ASCC3: variants seen among roughly 807,000 people sequenced by gnomAD.
ASCC3 encodes ASC-1 complex subunit P200.
Under a neutral mutation model 256.3 loss-of-function variants are expected in ASCC3, and 158 were observed. The ratio of observed to expected loss-of-function variants is 0.62; its 90% CI spans 0.54 to 0.70. ASCC3 has a LOEUF of 0.70. Ranked by LOEUF, ASCC3 falls within the 30% of genes least tolerant of loss-of-function variation. ASCC3 has a pLI of 0.00. For missense variants in ASCC3, 2,259 were observed against 2,626.0 expected (o/e 0.86, Z 3.05); for synonymous variants, 948 against 883.4 (o/e 1.07, Z -1.30).
At chr6:100,862,153 G>A (rs1773255022) in intron 3 of ASCC3, among the ~76,000 whole-genome samples, 1 of 152,136 alleles carries the variant, frequency 6.6e-6, no homozygotes, top group African/African-American at 2.4e-5. Context: ...GTGGAAGACT[G>A]TATTTTCGCC....
chr6:100,826,293 G>C (rs1007365233), intron 4 of ASCC3, among the ~76,000 whole-genome samples: 4 of 151,792 alleles, frequency 2.6e-5, no homozygotes, highest in Non-Finnish European at 4.4e-5. Flanking sequence ...CACCACGCCC[G>C]GCTAATTTTT....
At position 100,701,602 on chromosome 6, in the gene ASCC3, GAGCAAAACCAGAGAC is replaced by G. The variant is rs530869466; in HGVS notation, c.2151+13845_2151+13859del. 3.9e-4 allele frequency among the ~76,000 whole-genome samples: 59 copies of G among 152,260 alleles called. 2 individuals are homozygous for G. The highest frequency in any genetic ancestry group is 1.4e-3 in the African/African-American group (58 of 41,544). ...AAGCAACGCATGTCAGTACAATGGT[GAGCAAAACCAGAGAC>G]AGCCCTTGTTGTAATAGGAATTATG... On this transcript the variant is annotated intron_variant, in intron 13 of 41. Coordinates refer to ENST00000369162, the MANE Select transcript of ASCC3 (RefSeq NM_006828.4).
chr6:100,643,452 C>G (rs1434708354), intron 23 of ASCC3, among the ~76,000 whole-genome samples: 3 of 152,120 alleles, frequency 2.0e-5, no homozygotes, highest in Non-Finnish European at 4.4e-5. Flanking sequence ...GAACCCAGGT[C>G]TTAAACCATG....
chr6:100,593,933 A>ATG (rs543567807), intron 34 of ASCC3, among the ~76,000 whole-genome samples: 3 of 152,094 alleles, frequency 2.0e-5, no homozygotes, highest in African/African-American at 7.2e-5. Flanking sequence ...GCACAAGTTA[A>ATG]TGTGTGTGTG....
intron 37 of ASCC3, among the ~76,000 whole-genome samples, chr6:100,519,466 C>T (rs151310957): frequency 6.6e-6 from 1 of 152,138 alleles, no homozygotes; most frequent in African/African-American, 2.4e-5. Context: ...TTTCTCTGTA[C>T]AGCAGGATAA....
At chr6:100,616,839 C>T (rs1773687467) in intron 30 of ASCC3, among the ~76,000 whole-genome samples, 1 of 152,082 alleles carries the variant, frequency 6.6e-6, no homozygotes, top group African/African-American at 2.4e-5. Context: ...AAGGGGCCGC[C>T]CTGCTGTTAA....
intron 8 of ASCC3, among the ~76,000 whole-genome samples, chr6:100,782,416 C>T (rs2114263060): frequency 6.6e-6 from 1 of 152,230 alleles, no homozygotes; most frequent in South Asian, 2.1e-4. Flanking sequence ...TCCAATGCCA[C>T]AAATAAATAC....
chr6:100,697,342 CAAA>C (rs1220380989), intron 13 of ASCC3, among the ~76,000 whole-genome samples: 1 of 151,488 alleles, frequency 6.6e-6, no homozygotes, highest in Non-Finnish European at 1.5e-5. Flanking sequence ...AAAGGGGAAT[CAAA>C]GAAGATTTAA....
chr6:100,737,401 C>T (rs1003327104), intron 10 of ASCC3, among the ~76,000 whole-genome samples: 10 of 151,952 alleles, frequency 6.6e-5, no homozygotes, highest in African/African-American at 1.9e-4. Context: ...CCCAACAGGC[C>T]CCAGTGTGTG....
chr6:100,753,030 A>G (rs1179695903), intron 10 of ASCC3, among the ~76,000 whole-genome samples: 1 of 152,098 alleles, frequency 6.6e-6, no homozygotes, highest in East Asian at 1.9e-4. Flanking sequence ...ACATGAAGGG[A>G]TTTCTAAAGC....
intron 30 of ASCC3, among the ~76,000 whole-genome samples, chr6:100,616,132 A>G (rs1773653812): frequency 6.6e-6 from 1 of 152,224 alleles, no homozygotes; most frequent in Non-Finnish European, 1.5e-5. Flanking sequence ...ATGTTGAATG[A>G]ACAGGCAAAT....
chr6:100,877,777 G>A (rs1296675200), intron 1 of ASCC3, among the ~76,000 whole-genome samples: 3 of 152,178 alleles, frequency 2.0e-5, no homozygotes, highest in Non-Finnish European at 4.4e-5. Flanking sequence ...AGAGTGAATG[G>A]GGGATGGGCA....
chr6:100,555,605 A>C (rs1205174126), intron 36 of ASCC3, among the ~76,000 whole-genome samples: 1 of 152,208 alleles, frequency 6.6e-6, no homozygotes, highest in Non-Finnish European at 1.5e-5. Context: ...ATTTCCCAGG[A>C]TTTATAGCTA....
chr6:100,842,807 C>G (rs1057119464), intron 4 of ASCC3, among the ~76,000 whole-genome samples: 1 of 151,970 alleles, frequency 6.6e-6, no homozygotes, highest in African/African-American at 2.4e-5. Flanking sequence ...CCTGTCTCTA[C>G]AAAACATTCT....
rs904662777 is a variant in ASCC3, at chr6:100,721,599, A to C, written c.1903-3348T>G. Among the ~76,000 whole-genome samples, 7 of 151,696 alleles carry C rather than the reference A, an allele frequency of 4.6e-5. No individual in the cohort carries two copies. The South Asian group carries it at 6.2e-4, about 13-fold the overall frequency. ...TACCTGGATTTTAAAAATTGCTCTT[A>C]AATTGGATTTTAGCTAAAAGCTGGT... is the stretch of plus-strand genomic sequence containing the variant. On this transcript the variant is annotated intron_variant, in intron 11 of 41. Transcript: ENST00000369162.
At chr6:100,836,439 T>C (rs978123042) in intron 4 of ASCC3, among the ~76,000 whole-genome samples, 1 of 152,120 alleles carries the variant, frequency 6.6e-6, no homozygotes, top group Non-Finnish European at 1.5e-5. Context: ...GTTGAGGGGT[T>C]TTAATCATGA....
At chr6:100,805,276 C>T (rs1367321388) in intron 5 of ASCC3, among the ~76,000 whole-genome samples, 1 of 152,060 alleles carries the variant, frequency 6.6e-6, no homozygotes, top group Admixed American at 6.6e-5. Flanking sequence ...CCAAATACCT[C>T]GTGTTCTCAC....
chr6:100,844,967 C>T (rs979332527), intron 4 of ASCC3, among the ~76,000 whole-genome samples: 4 of 152,136 alleles, frequency 2.6e-5, no homozygotes, highest in Non-Finnish European at 4.4e-5. Context: ...TTATCTTTAA[C>T]AGGATCTAAA....
chr6:100,801,856 A>G (rs1175282659), intron 5 of ASCC3, among the ~76,000 whole-genome samples: 1 of 151,208 alleles, frequency 6.6e-6, no homozygotes, highest in Non-Finnish European at 1.5e-5. Flanking sequence ...CTGCAAAATT[A>G]CACAATCAGC....
Sources: allele counts gnomAD v4.1 joint callset (sites outside exome capture counted in the v4.1 genomes callset), GRCh38; gene constraint gnomAD v4.1.1; transcripts MANE v1.5; gene names NCBI Gene and HGNC (gene_info 2026-07-23, HGNC 2026-07-21).